The following DYNC2H1 variants were observed in gnomAD, a reference collection of about 807,000 sequenced individuals.
DYNC2H1 encodes the protein dynein cytoplasmic 2 heavy chain 1, also known as cytoplasmic dynein 2 heavy chain 1.
In DYNC2H1, 410 loss-of-function variants were observed where a neutral mutation model predicts 570.0. The ratio of observed to expected loss-of-function variants is 0.72; its 90% confidence interval spans 0.66 to 0.78. DYNC2H1 has a LOEUF of 0.78. DYNC2H1 is among the 30% of genes least tolerant of loss of function. The pLI is 0.00. For missense variants in DYNC2H1, 4,865 were observed against 5,046.4 expected (o/e 0.96, Z 1.09); for synonymous variants, 1,688 against 1,677.6 (o/e 1.01, Z -0.15).
intron 88 of DYNC2H1, among the ~76,000 whole-genome samples, chr11:103,471,589 C>G (rs1351795794): frequency 2.0e-5 from 3 of 152,172 alleles, no homozygotes; most frequent in Admixed American, 2.0e-4. Flanking sequence ...CATGGTAAGT[C>G]AAATTTATCC....
chr11:103,473,263 CTATT>C (rs1176156666), intron 88 of DYNC2H1, among the ~76,000 whole-genome samples: 5 of 149,654 alleles, frequency 3.3e-5, no homozygotes, highest in East Asian at 2.0e-4. Context: ...GACATTCACA[CTATT>C]TATTCATTCA....
intron 79 of DYNC2H1, 86 bp from the exon 80 acceptor site, chr11:103,316,459 A>G: frequency 1.1e-6 from 1 of 871,878 alleles, no homozygotes; most frequent in Non-Finnish European, 1.7e-6. Flanking sequence ...GTCTATATTG[A>G]TCATTTAATT....
intron 59 of DYNC2H1, among the ~76,000 whole-genome samples, chr11:103,223,663 G>A (rs963574483): frequency 1.4e-4 from 22 of 152,076 alleles, no homozygotes; most frequent in African/African-American, 5.3e-4. Flanking sequence ...TGGGATTACA[G>A]GTGTGGACCA....
chr11:103,431,312 T>A (rs1286326532), intron 84 of DYNC2H1, among the ~76,000 whole-genome samples: 1 of 152,022 alleles, frequency 6.6e-6, no homozygotes, highest in East Asian at 1.9e-4. Context: ...TACCTAATTA[T>A]CTTACATTGA....
chr11:103,380,501 G>A (rs1284685815), intron 83 of DYNC2H1, among the ~76,000 whole-genome samples: 6 of 152,212 alleles, frequency 3.9e-5, no homozygotes, highest in African/African-American at 1.4e-4. Context: ...ATGAGGGAAT[G>A]ATTAATTCTG....
chr11:103,282,382 A>G (rs1591519823), intron 72 of DYNC2H1, among the ~76,000 whole-genome samples, 153 bp downstream of exon 72: 2 of 152,148 alleles, frequency 1.3e-5, no homozygotes, highest in East Asian at 3.9e-4. Flanking sequence ...AGTATTTCCT[A>G]TAAAATAGAC....
chr11:103,153,677 T>A (rs1860677542), intron 22 of DYNC2H1, among the ~76,000 whole-genome samples, 169 bp downstream of exon 22: 1 of 152,058 alleles, frequency 6.6e-6, no homozygotes, highest in Admixed American at 6.6e-5. Context: ...GAGTCATAGT[T>A]GTGTTATATA....
At position 103,472,136 on chromosome 11, in the gene DYNC2H1, G is replaced by T. The variant is rs968175984; in HGVS notation, c.12765+3431G>T. 6.6e-6 allele frequency among the ~76,000 whole-genome samples: 1 copy of T among 152,142 alleles called. No individual in the cohort carries two copies. Among genetic ancestry groups the T allele is most frequent in the Non-Finnish European group, 1.5e-5 (1 of 68,012 alleles). On this transcript the variant is annotated intron_variant, in intron 88 of 88. Coordinates refer to ENST00000375735, the MANE Select transcript of DYNC2H1 (RefSeq NM_001377.3). This position sits in a 1 kb window ranked among gnomAD's most constrained non-coding sequence, Gnocchi z 4.1. ...TAGTTCATATGGAAGAATGGTGGGG[G>T]ATGCGGCCAGAAAGGAAGGCCAAGA...
At chr11:103,115,087 G>A (rs1858310005) in intron 3 of DYNC2H1, 90 bp from the exon 4 acceptor site, 4 of 842,256 alleles carry the variant, frequency 4.7e-6, no homozygotes, top group Non-Finnish European at 5.8e-6. Flanking sequence ...TGTGTTAGAT[G>A]ACTCAAATAT....
intron 83 of DYNC2H1, among the ~76,000 whole-genome samples, chr11:103,368,574 G>A (rs313372): frequency 0.55 from 83,995 of 151,794 alleles, 24,982 homozygotes; most frequent in Admixed American, 0.66. Flanking sequence ...TTCCTTTGCT[G>A]TGCAAAAGCT....
intron 82 of DYNC2H1, 22 bp from the exon 83 acceptor site, chr11:103,358,221 T>C: frequency 7.3e-7 from 1 of 1,370,206 alleles, no homozygotes; most frequent in Non-Finnish European, 1.0e-6. Flanking sequence ...TATTTGTTGA[T>C]ACTTATTATT....
chr11:103,463,556 C>T lies in DYNC2H1; in HGVS notation c.12649-5033C>T, dbSNP rs1591796394. Among the ~76,000 whole-genome samples, 5 of 152,176 alleles carry T rather than the reference C, an allele frequency of 3.3e-5. No homozygotes were observed. In the Middle Eastern group the frequency reaches 0.014, roughly 414 times the overall value. The stretch of plus-strand genomic sequence containing the variant: ...CTTGAGCCCAGGTGTTTAAGACCAG[C>T]CTGAGCAACATGGAAGAACCCTGTT... On this transcript the variant is annotated intron_variant, in intron 87 of 88. Coordinates refer to ENST00000375735, the MANE Select transcript of DYNC2H1 (RefSeq NM_001377.3).
At chr11:103,470,885 T>C (rs892025838) in intron 88 of DYNC2H1, among the ~76,000 whole-genome samples, 1 of 152,236 alleles carries the variant, frequency 6.6e-6, no homozygotes, top group African/African-American at 2.4e-5. Context: ...TACGTGTGCA[T>C]GTGTCTTTAT....
At position 103,461,235 on chromosome 11, in the gene DYNC2H1, G is replaced by T. The variant is rs749896979; in HGVS notation, c.12648+4879G>T. 6.6e-6 allele frequency among the ~76,000 whole-genome samples: 1 copy of T among 152,120 alleles called. No homozygotes were observed. Among genetic ancestry groups the T allele is most frequent in the Non-Finnish European group, 1.5e-5 (1 of 68,000 alleles). On this transcript the variant is annotated intron_variant, in intron 87 of 88. Transcript: ENST00000375735. This position sits in a 1 kb window ranked among gnomAD's most constrained non-coding sequence, Gnocchi z 4.8. ...TTTAATTATGTTTTTCAGCAGAGGG[G>T]ATTGTTTCAATAGGAGAAATTTGGA...
rs569893855 is a variant in DYNC2H1 at position 103,110,406 on chromosome 11, G to GT, written c.195+647dup. On this transcript the variant is annotated intron_variant, in intron 1 of 88. Coordinates refer to ENST00000375735, the MANE Select transcript of DYNC2H1 (RefSeq NM_001377.3). ...TTATTTTTTTCTCTCCCCTTTTTGA[G>GT]TTTTTTTTTTGGGGGGAAGGCAAAT... is the stretch of plus-strand genomic sequence containing the variant. Among the ~76,000 whole-genome samples, 591 of 147,286 alleles carry GT rather than the reference G, an allele frequency of 4.0e-3. 3 individuals carry two copies. Among genetic ancestry groups the GT allele is most frequent in the African/African-American group, 0.012 (484 of 40,368 alleles).
At chr11:103,116,737 T>G (rs929108257) in intron 5 of DYNC2H1, 23 bp downstream of exon 5, 2 of 1,559,634 alleles carry the variant, frequency 1.3e-6, no homozygotes, top group African/African-American at 1.4e-5. Flanking sequence ...AAATGAACTT[T>G]TGGAATTTTG....
intron 82 of DYNC2H1, among the ~76,000 whole-genome samples, chr11:103,341,250 A>G (rs562916222): frequency 1.5e-3 from 226 of 152,264 alleles, no homozygotes; most frequent in Non-Finnish European, 2.6e-3. Flanking sequence ...CTTGCTTTCT[A>G]TTTCTCTTTC....
Position 103,303,238 on chromosome 11 carries a change from A to G in DYNC2H1, c.11241A>G (p.Gly3747=). 1 of 1,612,202 alleles carries G rather than the reference A, an allele frequency of 6.2e-7. No individual in the cohort carries two copies. Among genetic ancestry groups the G allele is most frequent in the Non-Finnish European group, 8.5e-7 (1 of 1,178,700 alleles). The part of the protein sequence containing the change: ...LQELANAERS[G]ECYHQVAMGQ... ...AACTAGCTAATGCTGAAAGAAGCGG[A>G]GAGTGTTATCACCAGGTAAGTACAT... The change falls in exon 76 of 89, where the codon GGA becomes GGG. Residue 3747 remains glycine (G), a synonymous_variant. Coordinates refer to ENST00000375735, the MANE Select transcript of DYNC2H1 (RefSeq NM_001377.3).
At chr11:103,303,053 A>T in intron 75 of DYNC2H1, 40 bp from the exon 76 acceptor site, 3 of 1,350,086 alleles carry the variant, frequency 2.2e-6, no homozygotes, top group Non-Finnish European at 2.9e-6. Context: ...TTAATAATGC[A>T]TACTGCTTTT....
Sources: allele counts gnomAD v4.1 joint callset (sites outside exome capture counted in the v4.1 genomes callset), GRCh38; gene constraint gnomAD v4.1.1; non-coding constraint Gnocchi (gnomAD v3.1); transcripts MANE v1.5; gene names NCBI Gene and HGNC (gene_info 2026-07-23, HGNC 2026-07-21).